BRWD1: variants seen among roughly 807,000 people sequenced by gnomAD.
BRWD1 encodes bromodomain and WD repeat domain containing 1.
In BRWD1, 82 loss-of-function variants were observed where a neutral mutation model predicts 251.2. The ratio of observed to expected loss-of-function variants is 0.33; its 90% CI spans 0.27 to 0.39. The LOEUF (loss-of-function observed/expected upper bound fraction) is 0.39. Among genes scored for constraint, BRWD1 ranks in the 10% least tolerant of loss-of-function variants. The probability of loss-of-function intolerance (pLI) is 1.00; values close to 1 mark genes in which losing one functional copy is unlikely to be tolerated. For missense variants in BRWD1, 2,233 were observed against 2,711.6 expected (o/e 0.82, Z 3.92); for synonymous variants, 918 against 902.8 (o/e 1.02, Z -0.30).
At position 39,186,825 on chromosome 21, in the gene BRWD1, A is replaced by T. The variant is rs543318337; in HGVS notation, c.*9434T>A. 7.6e-5 allele frequency: 62 copies of T among 813,514 alleles called. No homozygotes were observed. The highest frequency in any genetic ancestry group is 1.0e-4 in the Non-Finnish European group (60 of 580,844). The allele number at this position is 813,514 out of a possible 1,614,324, so 50.4% of individuals were successfully genotyped here. ...CCACCTCTCCACCTACAGACTCTGC[A>T]ATTTATTTCCTCCTCAGAATTCCCC... On this transcript the variant is annotated 3_prime_UTR_variant, in exon 41 of 41. Coordinates refer to ENST00000342449, the MANE Select transcript of BRWD1 (RefSeq NM_033656.4).
chr21:39,272,525 T>A (rs1183441031), intron 13 of BRWD1, among the ~76,000 whole-genome samples: 2 of 147,514 alleles, frequency 1.4e-5, no homozygotes, highest in Non-Finnish European at 3.0e-5. Flanking sequence ...AGACTCTGTC[T>A]CCAAAAAAAA....
In BRWD1 at chr21:39,313,052, G is replaced by A. The variant is rs1438204200; in HGVS notation, c.138+20C>T. 6 of 1,389,672 alleles carry A rather than the reference G, an allele frequency of 4.3e-6. No homozygotes were observed. The highest frequency in any genetic ancestry group is 6.1e-5 in the East Asian group (2 of 32,620). The allele number at this position is 1,389,672 out of a possible 1,614,324, so 86.1% of individuals were successfully genotyped here. Reference sequence around the variant, plus strand: ...CGGCAGGAGGAACCCGAGGGAGCGCGGGGACGGGCGCGCACAGACCTGGTA... The same window carrying A: ...CGGCAGGAGGAACCCGAGGGAGCGCAGGGACGGGCGCGCACAGACCTGGTA... On this transcript the variant is annotated intron_variant, in intron 3 of 40. Transcript: ENST00000342449.
At chr21:39,251,912 C>T (rs993605797) in intron 19 of BRWD1, among the ~76,000 whole-genome samples, 4 of 152,102 alleles carry the variant, frequency 2.6e-5, no homozygotes, top group Non-Finnish European at 4.4e-5. Flanking sequence ...CAATTTTACT[C>T]CTAATGAGAT....
chr21:39,189,232 A>G lies in BRWD1; in HGVS notation c.*7027T>C, dbSNP rs1479897401. ...GAATATACTATTATCAACTAGCTGCACCATTTGCATTTGGAAGAAAAGAAC... is the reference window on the plus strand; with the variant it reads ...GAATATACTATTATCAACTAGCTGCGCCATTTGCATTTGGAAGAAAAGAAC... On this transcript the variant is annotated 3_prime_UTR_variant, in exon 41 of 41. Transcript: ENST00000342449. 1 of 985,112 alleles carries G rather than the reference A, an allele frequency of 1.0e-6. No homozygotes were observed. Among genetic ancestry groups the G allele is most frequent in the African/African-American group, 1.7e-5 (1 of 57,246 alleles). The allele number at this position is 985,112 out of a possible 1,614,324, so 61.0% of individuals were successfully genotyped here.
chr21:39,277,474 G>C (rs2035313883), intron 10 of BRWD1, 123 bp from the exon 11 acceptor site: 1 of 622,714 alleles, frequency 1.6e-6, no homozygotes, highest in Non-Finnish European at 2.5e-6. Context: ...TATCTCAACA[G>C]TTACATTTTC....
Position 39,208,508 on chromosome 21 carries a change from T to C in BRWD1, c.4197+1487A>G, listed in dbSNP as rs181254761. On this transcript the variant is annotated intron_variant, in intron 36 of 40. Transcript: ENST00000342449. Reference sequence around the variant, plus strand: ...CACTGATTGTAGACACCAAAAAATGTTGTAAGATCAAACAAGTATTTTACT... The same window carrying C: ...CACTGATTGTAGACACCAAAAAATGCTGTAAGATCAAACAAGTATTTTACT... Among the ~76,000 whole-genome samples the C allele has an allele frequency of 4.9e-3, 747 of 152,292 alleles. 30 individuals carry two copies. Among genetic ancestry groups the C allele is most frequent in the Non-Finnish European group, 8.4e-4 (57 of 68,022 alleles).
intron 4 of BRWD1, among the ~76,000 whole-genome samples, chr21:39,312,182 C>A (rs999958411): frequency 1.3e-5 from 2 of 152,114 alleles, no homozygotes; most frequent in Non-Finnish European, 2.9e-5. Flanking sequence ...CAAGATTAAC[C>A]GAGCTCAAAA....
rs527930724 is a variant in BRWD1 at position 39,277,272 on chromosome 21, G to T, written c.1083C>A (p.Ile361=). The change falls in exon 11 of 41, where the codon ATC becomes ATA. Residue 361 remains isoleucine (I), a synonymous_variant. Transcript: ENST00000342449. ...YFLGFEAPEK[I]AELESHTDKV... is the part of the protein sequence containing the mutation. ...TTACAGTGTGGCTTTCAAGTTCTGC[G>T]ATTTTTTCGGGTGCTTCAAAACCCA... 4 of 1,610,226 alleles carry T rather than the reference G, an allele frequency of 2.5e-6. No homozygotes were observed. The Admixed American group carries it at 6.7e-5, about 27-fold the overall frequency.
In BRWD1 at chr21:39,264,660, G is replaced by A. The variant is rs765166544; in HGVS notation, c.1685C>T (p.Thr562Ile). ...ATCTCTAATAAGTGGTCGATAGTCAGTATGGAAGAACATCTGATCAGGAAT... is the reference window on the plus strand; with the variant it reads ...ATCTCTAATAAGTGGTCGATAGTCAATATGGAAGAACATCTGATCAGGAAT... ...EKIPDQMFFH[T>I]DYRPLIRDSN... Residue 562 changes from threonine to isoleucine, a missense_variant, in exon 17 of 41, where the codon ACT becomes ATT. Physicochemically the swap from Thr to Ile is moderately conservative, Grantham distance 89 (BLOSUM62 -1). Coordinates refer to ENST00000342449, the MANE Select transcript of BRWD1 (RefSeq NM_033656.4). The A allele has an allele frequency of 6.2e-7, 1 of 1,609,364 alleles. No homozygotes were observed. Among genetic ancestry groups the A allele is most frequent in the Non-Finnish European group, 8.5e-7 (1 of 1,177,748 alleles).
chr21:39,238,499 C>G lies in BRWD1; in HGVS notation c.2556G>C (p.Glu852Asp), dbSNP rs2033888143. 6.2e-7 allele frequency: 1 copy of G among 1,613,178 alleles called. No individual in the cohort carries two copies. Among genetic ancestry groups the G allele is most frequent in the African/African-American group, 1.3e-5 (1 of 74,850 alleles). ...EDEWRSDRKS[E>D]SYSESSSDSS... is the part of the protein sequence containing the mutation. ...GATACCTTGAACTTTCGCTGTAACT[C>G]TCACTTTTTCTGTCACTTCTCCATT... Residue 852 changes from glutamate to aspartate, a missense_variant, in exon 22 of 41, where the codon GAG (glutamate) becomes GAC (aspartate). Glu to Asp is a conservative substitution (Grantham distance 45, BLOSUM62 2). Coordinates refer to ENST00000342449, the MANE Select transcript of BRWD1 (RefSeq NM_033656.4).
Position 39,191,545 on chromosome 21 carries a change from T to C in BRWD1, c.*4714A>G. The C allele has an allele frequency of 1.0e-5, 10 of 982,674 alleles. No individual in the cohort carries two copies. Among genetic ancestry groups the C allele is most frequent in the Non-Finnish European group, 1.1e-5 (9 of 827,444 alleles). 60.9% of individuals were successfully genotyped at this position (982,674 alleles called of 1,614,324 possible). On this transcript the variant is annotated 3_prime_UTR_variant, in exon 41 of 41. Transcript: ENST00000342449. ...TATGTGAAGTGGAAAACTAAAGATC[T>C]GCTTGACAGGCTCATGTAATTTTTT...
In BRWD1 at chr21:39,195,390, G is replaced by A. The variant is rs949800322; in HGVS notation, c.*869C>T. ...ACACACTTCTAAATCTAAGGCACAC[G>A]AATTCCTCTATTTCACAGAGTAAGA... is the stretch of plus-strand genomic sequence containing the variant. On this transcript the variant is annotated 3_prime_UTR_variant, in exon 41 of 41. Transcript: ENST00000342449. 13 of 984,794 alleles carry A rather than the reference G, an allele frequency of 1.3e-5. No individual in the cohort carries two copies. The highest frequency in any genetic ancestry group is 9.4e-5 in the South Asian group (2 of 21,274). 61.0% of individuals were successfully genotyped at this position (984,794 alleles called of 1,614,324 possible).
At chr21:39,248,282 T>C (rs955757165) in intron 20 of BRWD1, among the ~76,000 whole-genome samples, 1 of 151,920 alleles carries the variant, frequency 6.6e-6, no homozygotes, top group Non-Finnish European at 1.5e-5. Context: ...AAAACCACAA[T>C]GAGATACCAT....
chr21:39,314,140 G>A (rs529363457), upstream of BRWD1: 46 of 455,940 alleles, frequency 1.0e-4, no homozygotes, highest in East Asian at 3.1e-3. Context: ...AAGACCCCTC[G>A]CTTCGAGGAC....
Position 39,278,667 on chromosome 21 carries a change from T to A in BRWD1, c.1003+76A>T, listed in dbSNP as rs541292437. On this transcript the variant is annotated intron_variant, in intron 10 of 40. Coordinates refer to ENST00000342449, the MANE Select transcript of BRWD1 (RefSeq NM_033656.4). Reference sequence around the variant, plus strand: ...TCATTTACCATGTAGCTAATAAAAGTTCTTAGCAACCAAGTGGTCATTTAA... The same window carrying A: ...TCATTTACCATGTAGCTAATAAAAGATCTTAGCAACCAAGTGGTCATTTAA... 9 of 1,145,674 alleles carry A rather than the reference T, an allele frequency of 7.9e-6. No individual in the cohort carries two copies. The East Asian group carries it at 2.0e-4, about 26-fold the overall frequency. 71.0% of individuals were successfully genotyped at this position (1,145,674 alleles called of 1,614,324 possible).
chr21:39,318,897 A>T (rs906278482), intron 1 of BRWD1, among the ~76,000 whole-genome samples: 4 of 152,134 alleles, frequency 2.6e-5, no homozygotes, highest in African/African-American at 9.7e-5. Context: ...CTGTTGGATA[A>T]ATTCCCTAGG....
At chr21:39,301,982 T>TG (rs2036131101) in intron 4 of BRWD1, among the ~76,000 whole-genome samples, 1 of 134,044 alleles carries the variant, frequency 7.5e-6, no homozygotes, top group African/African-American at 2.9e-5. Context: ...TTGTGTGTTT[T>TG]TTTTTTTTTT....
chr21:39,264,821 A>G (rs2034869082), intron 16 of BRWD1, 70 bp downstream of exon 16: 3 of 1,568,216 alleles, frequency 1.9e-6, no homozygotes, highest in Admixed American at 1.9e-5. Context: ...AACATAGCTC[A>G]TAACTACTTA....
chr21:39,235,580 T>C (rs533538685), intron 23 of BRWD1: 3 of 216,242 alleles, frequency 1.4e-5, no homozygotes, highest in Non-Finnish European at 3.1e-5. Context: ...TGAATGTTTC[T>C]TCTAAATATA....
Sources: allele counts gnomAD v4.1 joint callset (sites outside exome capture counted in the v4.1 genomes callset), GRCh38; gene constraint gnomAD v4.1.1; transcripts MANE v1.5; gene names NCBI Gene and HGNC (gene_info 2026-07-23, HGNC 2026-07-21).